Variants in PTCHD4 observed in about 807,000 individuals in gnomAD.
The protein encoded by PTCHD4 is patched domain-containing protein 4.
In PTCHD4, 33 loss-of-function variants were observed where a neutral mutation model predicts 58.1. That is an observed-to-expected ratio of 0.57 (90% CI 0.43 to 0.76). PTCHD4 has a LOEUF of 0.76. PTCHD4 is among the 30% of genes least tolerant of loss of function. The probability of loss-of-function intolerance (pLI) is 0.00; values close to 1 mark genes in which losing one functional copy is unlikely to be tolerated. For missense variants in PTCHD4, 1,058 were observed against 1,027.1 expected, an observed-to-expected ratio of 1.03 and a Z score of -0.41; for synonymous variants, 478 against 409.6, an observed-to-expected ratio of 1.17 and a Z score of -2.02.
intron 3 of PTCHD4, among the ~76,000 whole-genome samples, chr6:48,014,325 G>T (rs995595922): frequency 6.6e-6 from 1 of 151,970 alleles, no homozygotes; most frequent in African/African-American, 2.4e-5. Flanking sequence ...GAGTTTATTC[G>T]CTTCCAAACT....
At chr6:47,935,314 G>A (rs1314011218) in intron 4 of PTCHD4, among the ~76,000 whole-genome samples, 5 of 152,154 alleles carry the variant, frequency 3.3e-5, no homozygotes, top group Non-Finnish European at 1.5e-5. Flanking sequence ...ATTTAGAGGT[G>A]TGTTCTTATG....
chr6:47,990,984 G>A (rs1561994113), intron 4 of PTCHD4, among the ~76,000 whole-genome samples: 1 of 152,034 alleles, frequency 6.6e-6, no homozygotes. Context: ...CTTTCACAAT[G>A]TAGCACAGAG....
In PTCHD4 at chr6:47,872,934, G is replaced by C. The variant is rs1004128498; in HGVS notation, c.*5369C>G. ...ATCAGCAATAGAGAGTCCTCATTAA[G>C]TATGAAAAAAACTGATTAGAAAAAG... On this transcript the variant is annotated 3_prime_UTR_variant, in exon 5 of 5. Transcript: ENST00000339488. Among the ~76,000 whole-genome samples the C allele has an allele frequency of 2.0e-5, 3 of 151,556 alleles. No individual in the cohort carries two copies. The highest frequency in any genetic ancestry group is 4.4e-5 in the Non-Finnish European group (3 of 67,734).
intron 4 of PTCHD4, among the ~76,000 whole-genome samples, chr6:47,983,040 A>T (rs1244796209): frequency 6.6e-6 from 1 of 152,204 alleles, no homozygotes; most frequent in South Asian, 2.1e-4. Flanking sequence ...ACCTTCAGAA[A>T]TTAATTGAAT....
At chr6:47,959,845 T>C (rs1258625687) in intron 4 of PTCHD4, among the ~76,000 whole-genome samples, 2 of 149,230 alleles carry the variant, frequency 1.3e-5, no homozygotes, top group Non-Finnish European at 3.0e-5. Flanking sequence ...GGACAAGAAA[T>C]GTTAAAAGGA....
At position 47,975,661 on chromosome 6, in the gene PTCHD4, G is replaced by A. The variant is rs572262710; in HGVS notation, c.898+32973C>T. On this transcript the variant is annotated intron_variant, in intron 4 of 4. Transcript: ENST00000339488. ...ACGTGTCACTACTGCACCCACCTGC[G>A]CCTCTTCCTGACTGTGCTATTACTT... Among the ~76,000 whole-genome samples the A allele has an allele frequency of 2.6e-5, 4 of 152,146 alleles. No individual in the cohort carries two copies. In the South Asian group the frequency reaches 8.3e-4, roughly 32 times the overall value.
chr6:47,975,976 C>T (rs1767677669), intron 4 of PTCHD4, among the ~76,000 whole-genome samples: 1 of 152,202 alleles, frequency 6.6e-6, no homozygotes. Flanking sequence ...GATGTTTCAT[C>T]TGTCTTGTCC....
At chr6:47,915,904 A>ACTGGG (rs1765228366) in intron 4 of PTCHD4, among the ~76,000 whole-genome samples, 2 of 152,194 alleles carry the variant, frequency 1.3e-5, no homozygotes, top group Admixed American at 6.5e-5. Flanking sequence ...GTGAGGATGG[A>ACTGGG]CTGGGTGGTG....
intron 4 of PTCHD4, among the ~76,000 whole-genome samples, chr6:47,953,925 C>T (rs1766749770): frequency 6.6e-6 from 1 of 152,144 alleles, no homozygotes; most frequent in Admixed American, 6.6e-5. Flanking sequence ...CAAATAGTTA[C>T]ATCCTAATTC....
At chr6:47,982,542 G>A (rs1220903334) in intron 4 of PTCHD4, among the ~76,000 whole-genome samples, 1 of 143,794 alleles carries the variant, frequency 7.0e-6, no homozygotes, top group Non-Finnish European at 1.5e-5. Context: ...AGGCTGGAGT[G>A]CAGTGGCGCG....
At chr6:48,057,200 T>C (rs9473222) in intron 3 of PTCHD4, among the ~76,000 whole-genome samples, 3 of 146,704 alleles carry the variant, frequency 2.0e-5, no homozygotes, top group Non-Finnish European at 4.5e-5. Context: ...GTTTTTTTTG[T>C]TTTTTTTTTC....
chr6:48,072,938 T>C (rs542236760), intron 1 of PTCHD4, among the ~76,000 whole-genome samples: 140 of 152,186 alleles, frequency 9.2e-4, no homozygotes, highest in Non-Finnish European at 1.6e-3. Flanking sequence ...AAGAAAAGCA[T>C]GGTTGCTCAA....
At chr6:48,038,003 C>G (rs1456807105) in intron 3 of PTCHD4, among the ~76,000 whole-genome samples, 1 of 150,450 alleles carries the variant, frequency 6.6e-6, no homozygotes, top group Non-Finnish European at 1.5e-5. Flanking sequence ...AAGAAATAAG[C>G]CCACTGTTCT....
At chr6:48,064,824 A>C (rs539807204) in intron 3 of PTCHD4, among the ~76,000 whole-genome samples, 1 of 152,258 alleles carries the variant, frequency 6.6e-6, no homozygotes, top group South Asian at 2.1e-4. Context: ...CTAGTGAGAG[A>C]TATAAAAGAA....
chr6:47,926,528 T>A (rs2113896505), intron 4 of PTCHD4, among the ~76,000 whole-genome samples: 1 of 152,266 alleles, frequency 6.6e-6, no homozygotes, highest in South Asian at 2.1e-4. Flanking sequence ...TCAGGCCCCA[T>A]CCAAGATCTA....
At chr6:47,902,751 T>C (rs1402393806) in intron 4 of PTCHD4, among the ~76,000 whole-genome samples, 4 of 152,226 alleles carry the variant, frequency 2.6e-5, no homozygotes, top group African/African-American at 7.2e-5. Context: ...AAATACATCT[T>C]ACCTTGAGCC....
chr6:48,007,613 G>A (rs904300846), intron 4 of PTCHD4, among the ~76,000 whole-genome samples: 1 of 152,208 alleles, frequency 6.6e-6, no homozygotes, highest in Non-Finnish European at 1.5e-5. Context: ...ATATATAATT[G>A]TCTGTTTTCC....
At chr6:47,961,401 CATGCCTCAGCTTTCCAA>C (rs547000305) in intron 4 of PTCHD4, among the ~76,000 whole-genome samples, 179 of 152,042 alleles carry the variant, frequency 1.2e-3, no homozygotes, top group African/African-American at 3.9e-3. Context: ...AAGTGATTCT[CATGCCTCAGCTTTCCAA>C]GTAGCTGGGA....
At position 47,878,179 on chromosome 6, in the gene PTCHD4, T is replaced by A; in HGVS notation, c.*124A>T. 1.3e-6 allele frequency: 1 copy of A among 792,144 alleles called. No homozygotes were observed. The highest frequency in any genetic ancestry group is 2.5e-5 in the Admixed American group (1 of 39,712). 49.1% of individuals were successfully genotyped at this position (792,144 alleles called of 1,614,324 possible). ...AGGCACCTTGAAGTGTCATGAATAA[T>A]GCACTCTTGATCTGACTTGCCTTGT... On this transcript the variant is annotated 3_prime_UTR_variant, in exon 5 of 5. Transcript: ENST00000339488.
Sources: allele counts gnomAD v4.1 joint callset (sites outside exome capture counted in the v4.1 genomes callset), GRCh38; gene constraint gnomAD v4.1.1; transcripts MANE v1.5; gene names NCBI Gene and HGNC (gene_info 2026-07-23, HGNC 2026-07-21).